Variants in APLF observed in about 807,000 individuals in gnomAD.
The protein encoded by APLF is aprataxin and PNK-like factor.
In APLF, 61 loss-of-function variants were observed where a neutral mutation model predicts 55.6. That is an observed-to-expected ratio of 1.10 (90% CI 0.89 to 1.36). APLF has a LOEUF of 1.36. APLF is among the 40% of genes most tolerant of loss of function. The probability of loss-of-function intolerance (pLI) is 0.00; values close to 1 mark genes in which losing one functional copy is unlikely to be tolerated. For synonymous variants in APLF, 207 were observed against 214.8 expected (o/e 0.96, Z 0.32); for missense variants, 611 against 602.5 (o/e 1.01, Z -0.15).
intron 2 of APLF, among the ~76,000 whole-genome samples, chr2:68,500,335 A>T (rs998066121): frequency 9.9e-5 from 15 of 152,208 alleles, no homozygotes; most frequent in African/African-American, 3.6e-4. Flanking sequence ...TCATGGGTTC[A>T]CTTTCTTTGT....
chr2:68,474,594 G>C (rs1372044699), intron 1 of APLF, among the ~76,000 whole-genome samples: 1 of 152,170 alleles, frequency 6.6e-6, no homozygotes, highest in Non-Finnish European at 1.5e-5. Context: ...CCATGAATAT[G>C]CTATCTTCTC....
rs979441137 is a variant in APLF at position 68,579,895 on chromosome 2, C to T, written c.*1873C>T. On this transcript the variant is annotated 3_prime_UTR_variant, in exon 10 of 10. Transcript: ENST00000303795. ...GTTGCACAACTCTGTAAATATATTA[C>T]AAACAATGCATTGTACACTTTCAAA... 1.9e-5 allele frequency: 8 copies of T among 420,514 alleles called. No individual in the cohort carries two copies. Among genetic ancestry groups the T allele is most frequent in the African/African-American group, 1.3e-4 (6 of 46,388 alleles). The allele number at this position is 420,514 out of a possible 1,614,324, so 26.0% of individuals were successfully genotyped here. A position where few individuals can be genotyped will look rare whatever the true frequency, so the allele number is the denominator to read the frequency against.
chr2:68,491,674 C>T (rs914955717), intron 2 of APLF, among the ~76,000 whole-genome samples: 4 of 152,124 alleles, frequency 2.6e-5, no homozygotes, highest in Admixed American at 1.3e-4. Context: ...AGTTTTGTTA[C>T]ATGATTATAT....
At chr2:68,530,563 C>T (rs1204280088) in intron 6 of APLF, among the ~76,000 whole-genome samples, 3 of 152,164 alleles carry the variant, frequency 2.0e-5, no homozygotes, top group Non-Finnish European at 4.4e-5. Context: ...GGATAAAAGT[C>T]AGTTTCTCTG....
chr2:68,523,043 T>A (rs2103977035), intron 5 of APLF, among the ~76,000 whole-genome samples: 1 of 151,916 alleles, frequency 6.6e-6, no homozygotes, highest in African/African-American at 2.4e-5. Context: ...GTAAATAAAG[T>A]CAGAGGCAAA....
intron 6 of APLF, among the ~76,000 whole-genome samples, chr2:68,530,616 A>G (rs548908787): frequency 7.2e-5 from 11 of 152,358 alleles, no homozygotes; most frequent in African/African-American, 2.6e-4. Flanking sequence ...ATTATTTACA[A>G]GTTCATAGTA....
chr2:68,544,294 A>G (rs1167136368), intron 7 of APLF, among the ~76,000 whole-genome samples: 1 of 152,002 alleles, frequency 6.6e-6, no homozygotes, highest in East Asian at 1.9e-4. Flanking sequence ...GTATTTTCAT[A>G]ATAATATTGT....
chr2:68,482,989 A>G (rs1032783866), intron 1 of APLF, among the ~76,000 whole-genome samples: 1 of 152,056 alleles, frequency 6.6e-6, no homozygotes, highest in African/African-American at 2.4e-5. Context: ...TACCAGAGTC[A>G]TGACTGTCCC....
intron 1 of APLF, among the ~76,000 whole-genome samples, chr2:68,489,008 G>A (rs1676274681): frequency 6.6e-6 from 1 of 152,018 alleles, no homozygotes; most frequent in Non-Finnish European, 1.5e-5. Context: ...AAAAAGAAAG[G>A]AATCTTTAAA....
chr2:68,579,016 G>C lies in APLF; in HGVS notation c.*994G>C, dbSNP rs1558559794. 1 of 985,020 alleles carries C rather than the reference G, an allele frequency of 1.0e-6. No individual in the cohort carries two copies. The highest frequency in any genetic ancestry group is 1.2e-6 in the Non-Finnish European group (1 of 829,650). 61.0% of individuals were successfully genotyped at this position (985,020 alleles called of 1,614,324 possible). A position where few individuals can be genotyped will look rare whatever the true frequency, so the allele number is the denominator to read the frequency against. ...CTTTGAATTGTTAAAATGTAGTTTA[G>C]AATCTTTAATAACAGTTGGGTTGTG... On this transcript the variant is annotated 3_prime_UTR_variant, in exon 10 of 10. Coordinates refer to ENST00000303795, the MANE Select transcript of APLF (RefSeq NM_173545.3).
chr2:68,572,778 G>A (rs1479198891), intron 9 of APLF, among the ~76,000 whole-genome samples: 1 of 152,158 alleles, frequency 6.6e-6, no homozygotes, highest in Non-Finnish European at 1.5e-5. Context: ...TGTCAAAAAT[G>A]CAGTGAGCCG....
intron 7 of APLF, among the ~76,000 whole-genome samples, chr2:68,539,828 T>C (rs890931024): frequency 6.6e-6 from 1 of 152,170 alleles, no homozygotes; most frequent in African/African-American, 2.4e-5. Context: ...TCTCCCATGA[T>C]GTTGGGAACT....
At chr2:68,522,581 G>A (rs942062501) in intron 5 of APLF, among the ~76,000 whole-genome samples, 3 of 151,694 alleles carry the variant, frequency 2.0e-5, no homozygotes, top group South Asian at 2.1e-4. Context: ...GAAAAATTAT[G>A]TTTCTTCATG....
intron 5 of APLF, chr2:68,515,562 A>T: frequency 1.0e-6 from 1 of 982,156 alleles, no homozygotes; most frequent in Non-Finnish European, 1.2e-6. Flanking sequence ...TTCATTTCAA[A>T]TACGTTTTCT....
In APLF at chr2:68,484,035, T is replaced by G. The variant is rs1046181070; in HGVS notation, c.97-6155T>G. Among the ~76,000 whole-genome samples the G allele has an allele frequency of 1.1e-3, 172 of 152,278 alleles. 2 individuals carry two copies. Among genetic ancestry groups the G allele is most frequent in the Non-Finnish European group, 5.0e-4 (34 of 68,022 alleles). On this transcript the variant is annotated intron_variant, in intron 1 of 9. Transcript: ENST00000303795. ...TTATTCAGGGTTGTTTCTTTCGTTT[T>G]TAGAATTTTGAGAATTGCAGTCAAA...
intron 8 of APLF, among the ~76,000 whole-genome samples, chr2:68,554,610 C>A (rs1670953819): frequency 6.6e-6 from 1 of 151,574 alleles, no homozygotes; most frequent in Non-Finnish European, 1.5e-5. Flanking sequence ...GTAGAAGAAA[C>A]CACCTCCTTG....
intron 8 of APLF, among the ~76,000 whole-genome samples, chr2:68,552,831 G>A (rs377668328): frequency 1.1e-3 from 161 of 152,222 alleles, no homozygotes; most frequent in African/African-American, 3.5e-3. Context: ...CTGTAGATAC[G>A]TGTAGATGTA....
intron 7 of APLF, 32 bp from the exon 8 acceptor site, chr2:68,545,155 T>TTTTC: frequency 6.2e-7 from 1 of 1,607,494 alleles, no homozygotes; most frequent in Non-Finnish European, 8.5e-7. Flanking sequence ...TCCTATTTTT[T>TTTTC]TTTTCTGACA....
At chr2:68,489,476 G>A (rs1206813387) in intron 1 of APLF, among the ~76,000 whole-genome samples, 1 of 152,198 alleles carries the variant, frequency 6.6e-6, no homozygotes, top group African/African-American at 2.4e-5. Flanking sequence ...AGCTTTGATT[G>A]GCACTGTCAG....
Sources: gnomAD v4.1 joint callset for allele counts (sites outside exome capture counted in the v4.1 genomes callset) on GRCh38, gnomAD v4.1.1 for gene constraint, MANE v1.5 for transcripts, NCBI Gene and HGNC (gene_info 2026-07-23, HGNC 2026-07-21) for gene names.